Variants in COL4A2 observed in about 807,000 individuals in gnomAD.
COL4A2 encodes collagen alpha-2(IV) chain.
Under a neutral mutation model 200.2 loss-of-function variants are expected in COL4A2, and 99 were observed. The ratio of observed to expected loss-of-function variants is 0.49; its 90% CI spans 0.42 to 0.58. The LOEUF (loss-of-function observed/expected upper bound fraction) is 0.58. Ranked by LOEUF, COL4A2 falls within the 20% of genes least tolerant of loss-of-function variation. The pLI, the probability that COL4A2 is intolerant of heterozygous loss-of-function variation, is 0.00. For missense variants in COL4A2, 1,950 were observed against 2,314.1 expected (o/e 0.84, Z 3.23); for synonymous variants, 897 against 900.6 (o/e 1.00, Z 0.07).
Position 110,424,862 on chromosome 13 carries a change from C to A in COL4A2, c.309C>A (p.Gly103=). 1 of 1,614,086 alleles carries A rather than the reference C, an allele frequency of 6.2e-7. No homozygotes were observed. Among genetic ancestry groups the A allele is most frequent in the Non-Finnish European group, 8.5e-7 (1 of 1,179,982 alleles). ...RGAPGVTGPK[G]DVGARGVSGF... ...CCCCCGGAGTAACGGGACCCAAGGG[C>A]GACGTGGTACGCACCGCTGGTGTAT... The change falls in exon 5 of 48, where the codon GGC becomes GGA. Residue 103 remains glycine (G), a synonymous_variant. Transcript: ENST00000360467.
chr13:110,420,889 C>T (rs1266666705), intron 4 of COL4A2, among the ~76,000 whole-genome samples: 1 of 152,216 alleles, frequency 6.6e-6, no homozygotes, highest in Non-Finnish European at 1.5e-5. Context: ...TTACATTGTG[C>T]ACAGCGGAGA....
chr13:110,466,954 GTGCTTT>G, intron 26 of COL4A2, 80 bp from the exon 27 acceptor site: 1 of 1,562,578 alleles, frequency 6.4e-7, no homozygotes, highest in Non-Finnish European at 8.8e-7. Context: ...TGCACAGCTC[GTGCTTT>G]TGCCCTTGGG....
rs1268092846 is a variant in COL4A2 at position 110,395,563 on chromosome 13, TG to T, written c.181-29169del. Among the ~76,000 whole-genome samples the T allele has an allele frequency of 2.6e-5, 4 of 152,354 alleles. 1 individual carries two copies. Among genetic ancestry groups the T allele is most frequent in the Middle Eastern group, 6.8e-3 (2 of 294 alleles). Reference sequence around the variant, plus strand: ...GATTTTCATTTTACATTTTTAGATGTGGTCATTATATTCAACTGGATATAAC... The same window carrying T: ...GATTTTCATTTTACATTTTTAGATGTGTCATTATATTCAACTGGATATAAC... On this transcript the variant is annotated intron_variant, in intron 4 of 47. Coordinates refer to ENST00000360467, the MANE Select transcript of COL4A2 (RefSeq NM_001846.4).
At chr13:110,325,171 G>T (rs1355792707) in intron 3 of COL4A2, among the ~76,000 whole-genome samples, 1 of 152,188 alleles carries the variant, frequency 6.6e-6, no homozygotes. Context: ...AGCCACATGT[G>T]TCCATAATAA....
At chr13:110,479,155 G>T (rs1277290914) in intron 30 of COL4A2, among the ~76,000 whole-genome samples, 1 of 152,224 alleles carries the variant, frequency 6.6e-6, no homozygotes, top group African/African-American at 2.4e-5. Flanking sequence ...GGCCGTGCTG[G>T]TTCTCAACTA....
At chr13:110,425,468 A>G (rs1253690727) in intron 6 of COL4A2, among the ~76,000 whole-genome samples, 1 of 152,230 alleles carries the variant, frequency 6.6e-6, no homozygotes, top group Non-Finnish European at 1.5e-5. Context: ...CTCAAAATGC[A>G]ATAAAATGTG....
At chr13:110,484,074 G>A (rs1453653327) in intron 32 of COL4A2, among the ~76,000 whole-genome samples, 1 of 142,334 alleles carries the variant, frequency 7.0e-6, no homozygotes, top group African/African-American at 2.7e-5. Context: ...CCTGTTAGCA[G>A]AGATTTCAGG....
chr13:110,438,495 G>A, intron 14 of COL4A2, 123 bp from the exon 15 acceptor site: 1 of 1,310,854 alleles, frequency 7.6e-7, no homozygotes, highest in Non-Finnish European at 1.1e-6. Context: ...AGCATCGCCA[G>A]GCGGTCTGGA....
chr13:110,406,658 C>T (rs952690673), intron 4 of COL4A2, among the ~76,000 whole-genome samples: 5 of 151,184 alleles, frequency 3.3e-5, no homozygotes, highest in Non-Finnish European at 7.4e-5. Flanking sequence ...GTAATTTATA[C>T]ATTAGCCGAG....
Position 110,408,036 on chromosome 13 carries a change from G to A in COL4A2, c.181-16698G>A, listed in dbSNP as rs1016342201. Among the ~76,000 whole-genome samples, 6 of 152,220 alleles carry A rather than the reference G, an allele frequency of 3.9e-5. No individual in the cohort carries two copies. In the South Asian group the frequency reaches 8.3e-4, roughly 21 times the overall value. On this transcript the variant is annotated intron_variant, in intron 4 of 47. Coordinates refer to ENST00000360467, the MANE Select transcript of COL4A2 (RefSeq NM_001846.4). The stretch of plus-strand genomic sequence containing the variant: ...AGGTAGGAGCCATCCACCTCTGAGC[G>A]TTCACTGAAGCCGTTTGGTGTGAAT...
At chr13:110,445,957 G>A (rs1175314368) in intron 17 of COL4A2, 75 bp downstream of exon 17, 1 of 1,526,070 alleles carries the variant, frequency 6.6e-7, no homozygotes, top group Non-Finnish European at 9.1e-7. Context: ...CCTCTTGATG[G>A]TGTCCTGTGG....
intron 34 of COL4A2, among the ~76,000 whole-genome samples, chr13:110,487,482 C>T (rs558865915): frequency 3.9e-4 from 60 of 152,156 alleles, no homozygotes; most frequent in Non-Finnish European, 6.8e-4. Context: ...AGAAAGATGC[C>T]TGTTTCTGCC....
At chr13:110,449,059 C>T (rs879311763) in intron 18 of COL4A2, among the ~76,000 whole-genome samples, 2 of 152,218 alleles carry the variant, frequency 1.3e-5, no homozygotes, top group Non-Finnish European at 2.9e-5. Context: ...CCAGCAAAGC[C>T]CTCTCCTTAT....
intron 29 of COL4A2, 122 bp downstream of exon 29, chr13:110,473,272 C>T (rs890709854): frequency 1.9e-4 from 156 of 829,800 alleles, no homozygotes; most frequent in Non-Finnish European, 2.5e-4. Flanking sequence ...GCTAGCCATG[C>T]GTACCTTCTC....
intron 3 of COL4A2, among the ~76,000 whole-genome samples, chr13:110,311,834 A>G (rs528022685): frequency 6.6e-6 from 1 of 152,328 alleles, no homozygotes; most frequent in African/African-American, 2.4e-5. Flanking sequence ...GGGTTCACGT[A>G]GGCATCAGTG....
chr13:110,430,533 G>T lies in COL4A2; in HGVS notation c.586-12G>T. 1.2e-6 allele frequency: 2 copies of T among 1,614,184 alleles called. No individual in the cohort carries two copies. Among genetic ancestry groups the T allele is most frequent in the African/African-American group, 2.7e-5 (2 of 75,046 alleles). On this transcript the variant is annotated splice_polypyrimidine_tract_variant and intron_variant, in intron 9 of 47. Transcript: ENST00000360467. ...CCTCTCTTAAAAACATTCTCCCGCT[G>T]CCTATCCATAGGGACCTCCCGGCCG...
At chr13:110,310,292 A>C (rs1411848195) in intron 3 of COL4A2, among the ~76,000 whole-genome samples, 2 of 152,202 alleles carry the variant, frequency 1.3e-5, no homozygotes, top group South Asian at 4.1e-4. Flanking sequence ...CTTGTTAAGA[A>C]GTCAGGCCCC....
At chr13:110,340,893 A>G (rs1876417935) in intron 3 of COL4A2, 1 of 151,616 alleles carries the variant, frequency 6.6e-6, no homozygotes, top group South Asian at 2.1e-4. Context: ...TTCCTTTCTG[A>G]CTCGTGTTCC....
rs960613426 is a variant in COL4A2, at chr13:110,462,000, T to C, written c.1597-114T>C. On this transcript the variant is annotated intron_variant, in intron 22 of 47. Transcript: ENST00000360467. Reference sequence around the variant, plus strand: ...AAGTGCTCCTTGGGTGGCGCTCGGTTTGGTGACGGGTGACTGCCTGCCAGC... The same window carrying C: ...AAGTGCTCCTTGGGTGGCGCTCGGTCTGGTGACGGGTGACTGCCTGCCAGC... 30 of 1,489,678 alleles carry C rather than the reference T, an allele frequency of 2.0e-5. 1 individual carries two copies. The highest frequency in any genetic ancestry group is 2.5e-5 in the Non-Finnish European group (28 of 1,102,674). The allele number at this position is 1,489,678 out of a possible 1,614,324, so 92.3% of individuals were successfully genotyped here.
Sources: allele counts gnomAD v4.1 joint callset (sites outside exome capture counted in the v4.1 genomes callset), GRCh38; gene constraint gnomAD v4.1.1; transcripts MANE v1.5; gene names NCBI Gene and HGNC (gene_info 2026-07-23, HGNC 2026-07-21).